SMYD3: variants seen among roughly 807,000 people sequenced by gnomAD.
SMYD3 encodes the protein SET and MYND domain containing 3, also known as histone-lysine N-methyltransferase SMYD3.
A neutral mutation model predicts 57.7 loss-of-function variants in SMYD3; 36 were observed. That is an observed-to-expected ratio of 0.62 (90% CI 0.48 to 0.82). The LOEUF (loss-of-function observed/expected upper bound fraction) is 0.82, where lower values mean the gene tolerates loss of function less well. Among genes scored for constraint, SMYD3 ranks in the 40% least tolerant of loss-of-function variants. SMYD3 has a pLI of 0.00. For synonymous variants in SMYD3, 211 were observed against 195.0 expected (o/e 1.08, Z -0.68); for missense variants, 515 against 538.8 (o/e 0.96, Z 0.44).
At chr1:246,191,467 G>C (rs1053978187) in intron 5 of SMYD3, among the ~76,000 whole-genome samples, 1 of 152,044 alleles carries the variant, frequency 6.6e-6, no homozygotes, top group African/African-American at 2.4e-5. Context: ...AACATCTCTA[G>C]GCACAAAAAT....
chr1:246,385,117 T>C (rs1435901681), intron 1 of SMYD3, among the ~76,000 whole-genome samples: 2 of 152,226 alleles, frequency 1.3e-5, no homozygotes, highest in African/African-American at 4.8e-5. Flanking sequence ...TTTTCCTATG[T>C]GCTCAAATAT....
At chr1:246,005,013 T>A (rs2059144664) in intron 5 of SMYD3, among the ~76,000 whole-genome samples, 1 of 152,016 alleles carries the variant, frequency 6.6e-6, no homozygotes, top group Non-Finnish European at 1.5e-5. Context: ...GCCTGGCTAA[T>A]TTTTTTGTAT....
chr1:246,040,609 G>A (rs974401142), intron 5 of SMYD3, among the ~76,000 whole-genome samples: 3 of 152,182 alleles, frequency 2.0e-5, no homozygotes, highest in Non-Finnish European at 2.9e-5. Context: ...AAGGTCCTCA[G>A]CTGGGGCTTA....
rs529709454 is a variant in SMYD3 at position 246,353,784 on chromosome 1, G to A, written c.228+1247C>T. Among the ~76,000 whole-genome samples, 3 of 152,124 alleles carry A rather than the reference G, an allele frequency of 2.0e-5. No homozygotes were observed. In the East Asian group the frequency reaches 5.8e-4, roughly 29 times the overall value. ...AGTACCTAATTCTCACAAGACTCTT[G>A]GAAAATCAAATGGAATAATACAGTG... On this transcript the variant is annotated intron_variant, in intron 2 of 11. Transcript: ENST00000490107.
At chr1:245,824,401 CAAGTACT>C (rs1462888828) in intron 10 of SMYD3, among the ~76,000 whole-genome samples, 1 of 152,170 alleles carries the variant, frequency 6.6e-6, no homozygotes, top group Non-Finnish European at 1.5e-5. Context: ...TCAACCAAGC[CAAGTACT>C]AAGTAATCTT....
chr1:246,402,960 T>C (rs2066796593), intron 1 of SMYD3, among the ~76,000 whole-genome samples: 1 of 152,204 alleles, frequency 6.6e-6, no homozygotes, highest in African/African-American at 2.4e-5. Context: ...TAGTCAAAAA[T>C]GTCACAGACT....
chr1:246,083,135 G>A (rs967304873), intron 5 of SMYD3, among the ~76,000 whole-genome samples: 3 of 151,430 alleles, frequency 2.0e-5, no homozygotes, highest in Non-Finnish European at 4.4e-5. Flanking sequence ...ATTAGTAAAA[G>A]AGGAAGGAAT....
intron 10 of SMYD3, among the ~76,000 whole-genome samples, chr1:245,779,698 T>TA (rs1572315921): frequency 6.6e-6 from 1 of 152,168 alleles, no homozygotes; most frequent in African/African-American, 2.4e-5. Context: ...AGTTTTTGGC[T>TA]AAAATCAAAC....
At chr1:245,922,306 G>T (rs573961570) in intron 7 of SMYD3, among the ~76,000 whole-genome samples, 212 of 152,280 alleles carry the variant, frequency 1.4e-3, no homozygotes, top group African/African-American at 4.5e-3. Context: ...AGTGAAACTG[G>T]TCATAACACT....
chr1:245,763,996 A>G, intron 11 of SMYD3, 45 bp downstream of exon 11: 3 of 1,480,406 alleles, frequency 2.0e-6, no homozygotes, highest in Non-Finnish European at 2.8e-6. Context: ...AACAGCAGAA[A>G]AAAAGGATGC....
In SMYD3 at chr1:246,328,539, A is replaced by C. The variant is rs565602409; in HGVS notation, c.395-1202T>G. Reference sequence around the variant, plus strand: ...AACTTGAAAAGATACATCAAGTTGAACTACAGCATAACTCTGTTGCTTATG... The same window carrying C: ...AACTTGAAAAGATACATCAAGTTGACCTACAGCATAACTCTGTTGCTTATG... On this transcript the variant is annotated intron_variant, in intron 4 of 11. Transcript: ENST00000490107. Among the ~76,000 whole-genome samples the C allele has an allele frequency of 5.3e-5, 8 of 152,288 alleles. No individual in the cohort carries two copies. The South Asian group carries it at 1.7e-3, about 32-fold the overall frequency.
intron 1 of SMYD3, among the ~76,000 whole-genome samples, chr1:246,390,215 A>C (rs942390917): frequency 0.018 from 40 of 2,224 alleles, no homozygotes; most frequent in Non-Finnish European, 0.068. Flanking sequence ...TTCTGTCTCC[A>C]AAAAAAAAAA....
chr1:245,864,356 C>T (rs1192301145), intron 8 of SMYD3, among the ~76,000 whole-genome samples: 1 of 152,216 alleles, frequency 6.6e-6, no homozygotes, highest in Non-Finnish European at 1.5e-5. Context: ...ATGGAAACAA[C>T]TCACACGTCT....
intron 5 of SMYD3, among the ~76,000 whole-genome samples, chr1:246,110,585 C>G (rs1275990749): frequency 6.6e-6 from 1 of 152,214 alleles, no homozygotes; most frequent in Non-Finnish European, 1.5e-5. Flanking sequence ...TGAGCTGTGT[C>G]CTGGCTCCCC....
Position 246,116,762 on chromosome 1 carries a change from T to C in SMYD3, c.532-186825A>G, listed in dbSNP as rs370095538. On this transcript the variant is annotated intron_variant, in intron 5 of 11. Transcript: ENST00000490107. The stretch of plus-strand genomic sequence containing the variant: ...GGCCATCATTTACAGAAAAATAGTA[T>C]TGCTTTAATTAATTACCACATTTTC... 2.0e-4 allele frequency among the ~76,000 whole-genome samples: 30 copies of C among 152,314 alleles called. No homozygotes were observed. In the East Asian group the frequency reaches 4.4e-3, roughly 22 times the overall value.
intron 5 of SMYD3, among the ~76,000 whole-genome samples, chr1:246,198,502 G>A (rs1195011599): frequency 3.3e-5 from 5 of 152,150 alleles, no homozygotes; most frequent in African/African-American, 9.7e-5. Flanking sequence ...AAGAATGACC[G>A]GGGTACATAG....
Position 246,451,650 on chromosome 1 carries a change from T to C in SMYD3, c.164+55404A>G, listed in dbSNP as rs140253847. Among the ~76,000 whole-genome samples, 382 of 152,344 alleles carry C rather than the reference T, an allele frequency of 2.5e-3. 1 individual carries two copies. The highest frequency in any genetic ancestry group is 8.4e-3 in the Admixed American group (129 of 15,304). ...CTATTCACTTTGGGTGATAATGTCA[T>C]GAGTAGAAGGTGATCGGTTGCAACA... On this transcript the variant is annotated intron_variant, in intron 1 of 11. Coordinates refer to ENST00000490107, the MANE Select transcript of SMYD3 (RefSeq NM_001167740.2).
intron 5 of SMYD3, among the ~76,000 whole-genome samples, chr1:246,163,048 C>T (rs1484721755): frequency 6.6e-6 from 1 of 152,120 alleles, no homozygotes; most frequent in African/African-American, 2.4e-5. Context: ...TAATTTTTAT[C>T]ATTCTTTCAT....
chr1:246,274,172 A>T (rs2064284879), intron 5 of SMYD3, among the ~76,000 whole-genome samples: 6 of 152,190 alleles, frequency 3.9e-5, no homozygotes, highest in Admixed American at 3.9e-4. Context: ...CTGAAAGCAT[A>T]TTATTCTTTC....
Sources: allele counts gnomAD v4.1 joint callset (sites outside exome capture counted in the v4.1 genomes callset), GRCh38; gene constraint gnomAD v4.1.1; transcripts MANE v1.5; gene names NCBI Gene and HGNC (gene_info 2026-07-23, HGNC 2026-07-21).